The following CSMD1 variants were observed in gnomAD, a reference collection of about 807,000 sequenced individuals.
The protein encoded by CSMD1 is CUB and sushi domain-containing protein 1.
A neutral mutation model predicts 417.5 loss-of-function variants in CSMD1; 213 were observed. The ratio of observed to expected loss-of-function variants is 0.51; its 90% CI spans 0.46 to 0.57. CSMD1 has a LOEUF of 0.57. Among genes scored for constraint, CSMD1 ranks in the 20% least tolerant of loss-of-function variants. The pLI is 0.00. For synonymous variants in CSMD1, 2,862 were observed against 1,736.8 expected (o/e 1.65, Z -16.11); for missense variants, 6,923 against 4,529.7 (o/e 1.53, Z -15.17).
intron 18 of CSMD1, among the ~76,000 whole-genome samples, chr8:3,379,776 A>G (rs1021139150): frequency 6.6e-6 from 1 of 152,232 alleles, no homozygotes; most frequent in Admixed American, 6.5e-5. Flanking sequence ...TAAACATAAG[A>G]CCTAAAACCA....
chr8:4,648,788 T>G (rs780721028), intron 1 of CSMD1, among the ~76,000 whole-genome samples: 10 of 152,234 alleles, frequency 6.6e-5, no homozygotes, highest in Non-Finnish European at 1.3e-4. Context: ...AGACATCAGA[T>G]GCCGGCTGAT....
At chr8:3,658,815 A>G (rs559789937) in intron 7 of CSMD1, among the ~76,000 whole-genome samples, 9 of 152,254 alleles carry the variant, frequency 5.9e-5, no homozygotes, top group African/African-American at 2.2e-4. Context: ...GTCTTCCAAC[A>G]ATTTTGTTTG....
intron 37 of CSMD1, among the ~76,000 whole-genome samples, chr8:3,175,262 A>C (rs1820835412): frequency 6.6e-6 from 1 of 152,204 alleles, no homozygotes; most frequent in Admixed American, 6.5e-5. Flanking sequence ...GCGTCAATTC[A>C]AATAATGAAA....
At chr8:4,214,479 G>A (rs1800512847) in intron 3 of CSMD1, among the ~76,000 whole-genome samples, 1 of 152,110 alleles carries the variant, frequency 6.6e-6, no homozygotes, top group African/African-American at 2.4e-5. Context: ...TGTATTTTTG[G>A]TAGTGAAAGG....
chr8:3,913,306 C>A (rs569407261), intron 5 of CSMD1, among the ~76,000 whole-genome samples: 11 of 152,118 alleles, frequency 7.2e-5, no homozygotes, highest in African/African-American at 1.7e-4. Flanking sequence ...CTGTGAGGAC[C>A]ATCGACCTGC....
rs899844412 is a variant in CSMD1, at chr8:3,628,075, A to AT, written c.1010-11279dup. Among the ~76,000 whole-genome samples, 5 of 152,164 alleles carry AT rather than the reference A, an allele frequency of 3.3e-5. No homozygotes were observed. In the East Asian group the frequency reaches 9.6e-4, roughly 29 times the overall value. ...AAAAAACAGAACGTGGTGTAATTCT[A>AT]TTTTTTTAAATAAAAGAAACATAGA... On this transcript the variant is annotated intron_variant, in intron 7 of 69. Coordinates refer to ENST00000635120, the MANE Select transcript of CSMD1 (RefSeq NM_033225.6).
At position 3,110,476 on chromosome 8, in the gene CSMD1, G is replaced by C. The variant is rs1344929908; in HGVS notation, c.6431-141C>G. 7.7e-6 allele frequency: 5 copies of C among 649,292 alleles called. No individual in the cohort carries two copies. The Admixed American group carries it at 1.9e-4, about 24-fold the overall frequency. 40.2% of individuals were successfully genotyped at this position (649,292 alleles called of 1,614,324 possible). On this transcript the variant is annotated intron_variant, in intron 42 of 69. Transcript: ENST00000635120. ...TGAAATATTTCTGAATCACCATTTT[G>C]TCAAAATTACTGCCCTAAAATCTGA... is the stretch of plus-strand genomic sequence containing the variant.
intron 5 of CSMD1, among the ~76,000 whole-genome samples, chr8:3,906,927 T>A (rs1808155529): frequency 6.6e-6 from 1 of 152,200 alleles, no homozygotes; most frequent in African/African-American, 2.4e-5. Flanking sequence ...CAAGTGAACC[T>A]TACCCATCAG....
chr8:4,801,676 T>C (rs112060979), intron 1 of CSMD1, among the ~76,000 whole-genome samples: 2 of 152,036 alleles, frequency 1.3e-5, no homozygotes, highest in African/African-American at 2.4e-5. Context: ...TGTCCAATAA[T>C]GGAGCCCTGT....
chr8:3,785,109 C>A (rs1235202381), intron 5 of CSMD1, among the ~76,000 whole-genome samples: 1 of 152,146 alleles, frequency 6.6e-6, no homozygotes, highest in Non-Finnish European at 1.5e-5. Context: ...AATTTGAATC[C>A]TGGTCCTACC....
At chr8:4,005,911 G>A (rs1439004813) in intron 4 of CSMD1, among the ~76,000 whole-genome samples, 2 of 152,190 alleles carry the variant, frequency 1.3e-5, no homozygotes, top group Non-Finnish European at 2.9e-5. Context: ...TGGCTTAGAA[G>A]TTGACTTTGC....
rs369375647 is a variant in CSMD1, at chr8:4,716,600, G to A, written c.86-79042C>T. The stretch of plus-strand genomic sequence containing the variant: ...ATTTACTATATTCTTATAGAAATGA[G>A]TAGCAGAATATGGATTAACACAGGT... On this transcript the variant is annotated intron_variant, in intron 1 of 69. Transcript: ENST00000635120. 1.8e-3 allele frequency among the ~76,000 whole-genome samples: 270 copies of A among 152,300 alleles called. 9 individuals carry two copies. In the South Asian group the frequency reaches 0.047, roughly 27 times the overall value.
intron 3 of CSMD1, among the ~76,000 whole-genome samples, chr8:4,216,493 G>C (rs574831576): frequency 8.5e-5 from 13 of 152,238 alleles, no homozygotes; most frequent in African/African-American, 2.9e-4. Flanking sequence ...CTCATTAATA[G>C]AATTAGTGCT....
intron 3 of CSMD1, among the ~76,000 whole-genome samples, chr8:4,084,460 T>G (rs1373257921): frequency 6.6e-6 from 1 of 152,238 alleles, no homozygotes; most frequent in African/African-American, 2.4e-5. Flanking sequence ...TTGTTGTAAT[T>G]GCTAAATCAT....
intron 12 of CSMD1, among the ~76,000 whole-genome samples, chr8:3,443,660 T>A (rs1024483151): frequency 2.4e-4 from 37 of 152,312 alleles, no homozygotes; most frequent in African/African-American, 7.7e-4. Context: ...ATGCAAATCT[T>A]TGTATATCAC....
chr8:3,753,678 C>A (rs143791094), intron 6 of CSMD1, among the ~76,000 whole-genome samples: 1 of 152,214 alleles, frequency 6.6e-6, no homozygotes, highest in African/African-American at 2.4e-5. Context: ...TAATAAATAG[C>A]TATTGATTAA....
chr8:4,818,068 A>G (rs1047893517), intron 1 of CSMD1, among the ~76,000 whole-genome samples: 2 of 152,200 alleles, frequency 1.3e-5, no homozygotes, highest in Admixed American at 1.3e-4. Context: ...CAAGGTAACC[A>G]ACTCAGGAGG....
At chr8:4,009,914 C>G (rs906117604) in intron 4 of CSMD1, among the ~76,000 whole-genome samples, 3 of 152,074 alleles carry the variant, frequency 2.0e-5, no homozygotes, top group Non-Finnish European at 4.4e-5. Flanking sequence ...CTGCAAAAAG[C>G]CCTGGTCTCC....
intron 3 of CSMD1, among the ~76,000 whole-genome samples, chr8:4,269,529 T>G (rs1002141440): frequency 1.3e-5 from 2 of 152,186 alleles, no homozygotes; most frequent in African/African-American, 4.8e-5. Flanking sequence ...CTAAAAGCCC[T>G]CAATATATCG....
Sources: allele counts gnomAD v4.1 joint callset (sites outside exome capture counted in the v4.1 genomes callset), GRCh38; gene constraint gnomAD v4.1.1; transcripts MANE v1.5; gene names NCBI Gene and HGNC (gene_info 2026-07-23, HGNC 2026-07-21).